The following ANO6 variants were observed in gnomAD, a reference collection of about 807,000 sequenced individuals.
ANO6 encodes anoctamin-6.
A neutral mutation model predicts 117.5 loss-of-function variants in ANO6; 106 were observed. The observed-to-expected ratio is 0.90, with a 90% CI of 0.77 to 1.06. The LOEUF is 1.06. Among genes scored for constraint, ANO6 ranks in the 50% least tolerant of loss-of-function variants. ANO6 has a pLI of 0.00. For missense variants in ANO6, 955 were observed against 1,121.1 expected (o/e 0.85, Z 2.12); for synonymous variants, 367 against 385.1 (o/e 0.95, Z 0.55).
intron 7 of ANO6, among the ~76,000 whole-genome samples, chr12:45,353,478 G>C (rs1033144523): frequency 2.6e-5 from 4 of 151,324 alleles, no homozygotes; most frequent in African/African-American, 9.7e-5. Context: ...TATTTTTTTT[G>C]CTTTAGTAAA....
At chr12:45,354,815 A>C (rs1349744543) in intron 7 of ANO6, among the ~76,000 whole-genome samples, 1 of 152,216 alleles carries the variant, frequency 6.6e-6, no homozygotes, top group Non-Finnish European at 1.5e-5. Flanking sequence ...TAGAATCATA[A>C]TAATGTAAAG....
rs1592059358 is a variant in ANO6 at position 45,430,416 on chromosome 12, T to C, written c.*1105T>C. 1 of 985,378 alleles carries C rather than the reference T, an allele frequency of 1.0e-6. No individual in the cohort carries two copies. Among genetic ancestry groups the C allele is most frequent in the Non-Finnish European group, 1.2e-6 (1 of 829,942 alleles). The allele number at this position is 985,378 out of a possible 1,614,324, so 61.0% of individuals were successfully genotyped here. On this transcript the variant is annotated 3_prime_UTR_variant, in exon 20 of 20. Transcript: ENST00000320560. ...CCTTTTGTCAAGGAGTCTGCAGGAA[T>C]TGGCTTATTTCTGTATGCCAAAGTG...
At chr12:45,278,474 T>G (rs1348703246) in intron 1 of ANO6, among the ~76,000 whole-genome samples, 2 of 152,330 alleles carry the variant, frequency 1.3e-5, no homozygotes, top group East Asian at 3.9e-4. Flanking sequence ...TTTCACCTCT[T>G]TTTGCTTAAC....
At chr12:45,309,633 T>C (rs1305930966) in intron 2 of ANO6, among the ~76,000 whole-genome samples, 1 of 151,998 alleles carries the variant, frequency 6.6e-6, no homozygotes, top group Non-Finnish European at 1.5e-5. Context: ...GAATTGGTGT[T>C]AGGGCTATTG....
intron 1 of ANO6, among the ~76,000 whole-genome samples, chr12:45,227,116 G>C (rs1947495518): frequency 6.6e-6 from 1 of 151,256 alleles, no homozygotes. Context: ...AGGCTCCCGA[G>C]TAACTGGGAT....
At chr12:45,432,491 C>T, downstream of ANO6, 1 of 239,868 alleles carries the variant, frequency 4.2e-6, no homozygotes, top group Non-Finnish European at 6.7e-6. Flanking sequence ...CAGAGATTTG[C>T]TATGGATTTT....
At chr12:45,263,876 C>G (rs1803009147) in intron 1 of ANO6, among the ~76,000 whole-genome samples, 1 of 152,194 alleles carries the variant, frequency 6.6e-6, no homozygotes, top group South Asian at 2.1e-4. Context: ...TGTGAAATTT[C>G]ATTCTTGTGA....
chr12:45,370,098 C>A (rs566240488), intron 9 of ANO6, among the ~76,000 whole-genome samples: 1 of 152,192 alleles, frequency 6.6e-6, no homozygotes, highest in Non-Finnish European at 1.5e-5. Context: ...TGATTCAGAC[C>A]GCTCTTAACA....
Position 45,231,173 on chromosome 12 carries a change from A to G in ANO6, c.70+14782A>G, listed in dbSNP as rs773724102. On this transcript the variant is annotated intron_variant, in intron 1 of 19. Transcript: ENST00000320560. ...AAACTAGAATTTTTATTCCTTAAGT[A>G]TTGTTAAAGTTTGATATCAAATATA... Among the ~76,000 whole-genome samples, 43 of 152,240 alleles carry G rather than the reference A, an allele frequency of 2.8e-4. 1 individual carries two copies. The highest frequency in any genetic ancestry group is 5.1e-4 in the Non-Finnish European group (35 of 68,040).
intron 1 of ANO6, among the ~76,000 whole-genome samples, chr12:45,262,722 C>T (rs1174723315): frequency 2.0e-5 from 3 of 152,178 alleles, no homozygotes; most frequent in Non-Finnish European, 4.4e-5. Flanking sequence ...CTGCGCCCGG[C>T]TTTCCAGAGC....
intron 1 of ANO6, among the ~76,000 whole-genome samples, chr12:45,243,319 A>C (rs1247166023): frequency 2.6e-5 from 4 of 152,000 alleles, no homozygotes; most frequent in Non-Finnish European, 4.4e-5. Flanking sequence ...ACCCTCTCTT[A>C]AAAAAGTAAT....
At position 45,393,893 on chromosome 12, in the gene ANO6, G is replaced by A. The variant is rs542386624; in HGVS notation, c.1386+3395G>A. 4.8e-4 allele frequency among the ~76,000 whole-genome samples: 73 copies of A among 152,298 alleles called. 1 individual carries two copies. The highest frequency in any genetic ancestry group is 1.8e-3 in the African/African-American group (73 of 41,564). Reference sequence around the variant, plus strand: ...CCGGTACCAGCCCCAGCAAAAACATGCCAAATTGTAAAGACCGTCGATCCT... The same window carrying A: ...CCGGTACCAGCCCCAGCAAAAACATACCAAATTGTAAAGACCGTCGATCCT... On this transcript the variant is annotated intron_variant, in intron 12 of 19. Coordinates refer to ENST00000320560, the MANE Select transcript of ANO6 (RefSeq NM_001025356.3).
At chr12:45,288,026 C>A (rs1938973095) in intron 1 of ANO6, among the ~76,000 whole-genome samples, 1 of 152,028 alleles carries the variant, frequency 6.6e-6, no homozygotes, top group South Asian at 2.1e-4. Flanking sequence ...GCCCCAGCAC[C>A]ACGAGAGTCC....
chr12:45,371,639 C>A (rs1446926086), intron 9 of ANO6, among the ~76,000 whole-genome samples: 3 of 151,918 alleles, frequency 2.0e-5, no homozygotes, highest in Admixed American at 6.5e-5. Flanking sequence ...AACAGACCTG[C>A]AGCTGAGGGT....
chr12:45,404,729 TA>T (rs539298532), intron 15 of ANO6, among the ~76,000 whole-genome samples: 4 of 151,998 alleles, frequency 2.6e-5, no homozygotes, highest in Non-Finnish European at 5.9e-5. Flanking sequence ...TGTTTAGAAA[TA>T]AAAAACCTCT....
intron 3 of ANO6, among the ~76,000 whole-genome samples, chr12:45,341,770 G>A (rs1207633663): frequency 6.6e-6 from 1 of 152,184 alleles, no homozygotes; most frequent in African/African-American, 2.4e-5. Flanking sequence ...GAGGCAGAGT[G>A]AGTGGGGTTG....
At chr12:45,249,280 A>G (rs1234696957) in intron 1 of ANO6, among the ~76,000 whole-genome samples, 1 of 152,234 alleles carries the variant, frequency 6.6e-6, no homozygotes, top group African/African-American at 2.4e-5. Context: ...ATAGTATGTT[A>G]CACAGGAAAT....
chr12:45,439,762 T>C lies in ANO6; in HGVS notation c.2614T>C (p.Tyr872His), dbSNP rs1229769926. 9.7e-6 allele frequency: 15 copies of C among 1,550,842 alleles called. No homozygotes were observed. The Admixed American group carries it at 2.9e-4, about 30-fold the overall frequency. Reference sequence around the variant, plus strand: ...CCTCCCAGTTGACTGCTGTATGTGTTATAGGTTTGTCGATGAAATTAGACT... The same window carrying C: ...CCTCCCAGTTGACTGCTGTATGTGTCATAGGTTTGTCGATGAAATTAGACT... The change falls in exon 20 of 20, where the codon TAT becomes CAT. Residue 872 changes from tyrosine (Y) to histidine (H), a missense_variant. Transcript: ENST00000425752.
At chr12:45,226,293 C>G (rs930351092) in intron 1 of ANO6, among the ~76,000 whole-genome samples, 1 of 152,120 alleles carries the variant, frequency 6.6e-6, no homozygotes, top group Non-Finnish European at 1.5e-5. Flanking sequence ...TATTCATCAG[C>G]CAGAAATACA....
Sources: gnomAD v4.1 joint callset for allele counts (sites outside exome capture counted in the v4.1 genomes callset) on GRCh38, gnomAD v4.1.1 for gene constraint, MANE v1.5 for transcripts, NCBI Gene and HGNC (gene_info 2026-07-23, HGNC 2026-07-21) for gene names.